The following GPHN variants were observed in gnomAD, a reference collection of about 807,000 sequenced individuals.
The protein encoded by GPHN is gephyrin.
Under a neutral mutation model 95.5 loss-of-function variants are expected in GPHN, and 17 were observed. The ratio of observed to expected loss-of-function variants is 0.18; its 90% CI spans 0.12 to 0.27. GPHN has a LOEUF of 0.27. Among genes scored for constraint, GPHN ranks in the 10% least tolerant of loss-of-function variants. The pLI, the probability that GPHN is intolerant of heterozygous loss-of-function variation, is 1.00. For missense variants in GPHN, 660 were observed against 978.1 expected (o/e 0.67, Z 4.34); for synonymous variants, 320 against 322.5 (o/e 0.99, Z 0.08).
At chr14:67,263,793 T>G in the GPHN span, among the ~76,000 whole-genome samples, 30 of 152,348 alleles carry the variant, frequency 2.0e-4, no homozygotes, top group South Asian at 1.0e-3. Context: ...CAAGTAGTGT[T>G]GCTGCTTTTA....
the GPHN span, among the ~76,000 whole-genome samples, chr14:67,540,219 A>G: frequency 3.3e-5 from 5 of 152,214 alleles, no homozygotes; most frequent in Non-Finnish European, 7.3e-5. Flanking sequence ...TACTAATCCT[A>G]TTTCGTATAT....
the GPHN span, among the ~76,000 whole-genome samples, chr14:67,217,348 T>A: frequency 1.9e-4 from 29 of 152,186 alleles, no homozygotes; most frequent in South Asian, 8.3e-4. Flanking sequence ...GGTCATTTTT[T>A]AAAAAATCCA....
At chr14:67,264,955 G>A in the GPHN span, among the ~76,000 whole-genome samples, 1 of 151,962 alleles carries the variant, frequency 6.6e-6, no homozygotes, top group African/African-American at 2.4e-5. Context: ...CCATCCATGA[G>A]GGCAGATGAT....
chr14:67,681,960 C>A, the GPHN span, among the ~76,000 whole-genome samples: 144,538 of 152,176 alleles, frequency 0.95, 68,999 homozygotes, highest in Non-Finnish European at 1. Context: ...GCCCTCATAC[C>A]TGGATTAATG....
At chr14:67,118,526 C>A (rs1239965496) in intron 16 of GPHN, among the ~76,000 whole-genome samples, 1 of 152,030 alleles carries the variant, frequency 6.6e-6, no homozygotes, top group African/African-American at 2.4e-5. Flanking sequence ...GAAATTGAGA[C>A]CATCTTGGCT....
chr14:67,172,245 A>AGCCCGCC (rs991456732), intron 21 of GPHN, among the ~76,000 whole-genome samples: 3 of 152,146 alleles, frequency 2.0e-5, no homozygotes, highest in Non-Finnish European at 2.9e-5. Context: ...TACTCCACCC[A>AGCCCGCC]GCCCGCCGCC....
At chr14:66,877,675 A>C (rs1285469091) in intron 4 of GPHN, among the ~76,000 whole-genome samples, 1 of 152,272 alleles carries the variant, frequency 6.6e-6, no homozygotes, top group East Asian at 1.9e-4. Context: ...TATGACTAAC[A>C]AGGGATGTGA....
At chr14:67,071,819 T>C (rs72715333) in intron 11 of GPHN, among the ~76,000 whole-genome samples, 3,684 of 151,814 alleles carry the variant, frequency 0.024, 69 homozygotes, top group Non-Finnish European at 0.036. Flanking sequence ...AAAAGTAAAG[T>C]AGGAAAATGA....
chr14:67,462,253 T>G, the GPHN span, among the ~76,000 whole-genome samples: 1 of 152,200 alleles, frequency 6.6e-6, no homozygotes, highest in Non-Finnish European at 1.5e-5. Context: ...GTCAGATGTG[T>G]GGCAGGGATC....
chr14:67,576,226 T>C, the GPHN span, among the ~76,000 whole-genome samples: 2 of 152,242 alleles, frequency 1.3e-5, no homozygotes, highest in African/African-American at 4.8e-5. The surrounding 1 kb of genome is among the most constrained non-coding windows in gnomAD (Gnocchi z 4.0). Flanking sequence ...ATTTGGAAAG[T>C]TGGGTTCATG....
chr14:66,797,839 A>G (rs1226227008), intron 3 of GPHN, among the ~76,000 whole-genome samples: 2 of 151,972 alleles, frequency 1.3e-5, no homozygotes, highest in East Asian at 3.9e-4. Context: ...TGACTGGTCT[A>G]TCTAGAACAG....
intron 8 of GPHN, among the ~76,000 whole-genome samples, chr14:66,937,107 A>G (rs1403223397): frequency 6.6e-6 from 1 of 152,020 alleles, no homozygotes; most frequent in East Asian, 1.9e-4. Context: ...GGCTCAAACA[A>G]TTATCCTGCT....
chr14:67,390,628 C>T, the GPHN span: 4 of 1,457,462 alleles, frequency 2.7e-6, no homozygotes, highest in Non-Finnish European at 3.9e-6. Context: ...GGCATCACAA[C>T]ATGGGACCAA....
intron 2 of GPHN, among the ~76,000 whole-genome samples, chr14:66,722,201 A>C (rs2070818608): frequency 6.6e-6 from 1 of 152,140 alleles, no homozygotes; most frequent in Non-Finnish European, 1.5e-5. Context: ...TTTTTTAAGT[A>C]ATCAAAATAA....
At chr14:66,723,983 A>ACG (rs1281080444) in intron 2 of GPHN, among the ~76,000 whole-genome samples, 44 of 127,882 alleles carry the variant, frequency 3.4e-4, no homozygotes, top group African/African-American at 9.6e-4. Context: ...TGTCATGCAT[A>ACG]CATACACACA....
At chr14:67,670,632 G>T in the GPHN span, among the ~76,000 whole-genome samples, 7 of 151,400 alleles carry the variant, frequency 4.6e-5, no homozygotes, top group Non-Finnish European at 8.8e-5. Context: ...GGGTTTAATC[G>T]ATTCTCCTGC....
the GPHN span, among the ~76,000 whole-genome samples, chr14:67,464,522 C>T: frequency 6.6e-6 from 1 of 152,174 alleles, no homozygotes; most frequent in African/African-American, 2.4e-5. Context: ...TCGCCCCCAC[C>T]ACGCAGCAGC....
chr14:66,955,697 C>A (rs2068449957), intron 8 of GPHN, among the ~76,000 whole-genome samples: 2 of 152,012 alleles, frequency 1.3e-5, no homozygotes, highest in Non-Finnish European at 2.9e-5. Flanking sequence ...AATGCTATCC[C>A]TCCCCCCTCC....
At chr14:67,528,468 C>G in the GPHN span, among the ~76,000 whole-genome samples, 6 of 152,218 alleles carry the variant, frequency 3.9e-5, no homozygotes, top group Admixed American at 3.9e-4. Flanking sequence ...TCCTCCCTCC[C>G]CCAATTGATG....
Sources: allele counts gnomAD v4.1 joint callset (sites outside exome capture counted in the v4.1 genomes callset), GRCh38; gene constraint gnomAD v4.1.1; non-coding constraint Gnocchi (gnomAD v3.1); transcripts MANE v1.5; gene names NCBI Gene and HGNC (gene_info 2026-07-23, HGNC 2026-07-21).